HEG1: variants seen among roughly 807,000 people sequenced by gnomAD.
HEG1 encodes heart development protein with EGF like domains 1.
In HEG1, 56 loss-of-function variants were observed where a neutral mutation model predicts 125.6. That is an observed-to-expected ratio of 0.45 (90% CI 0.36 to 0.56). HEG1 has a LOEUF of 0.56. HEG1 is among the 20% of genes least tolerant of loss of function. The pLI, the probability that HEG1 is intolerant of heterozygous loss-of-function variation, is 0.00. For synonymous variants in HEG1, 644 were observed against 668.5 expected (o/e 0.96, Z 0.57); for missense variants, 1,523 against 1,670.0 (o/e 0.91, Z 1.53).
intron 3 of HEG1, among the ~76,000 whole-genome samples, chr3:125,022,684 TA>T (rs1330146530): frequency 0.02 from 2,118 of 106,208 alleles, 48 homozygotes; most frequent in African/African-American, 0.057. Context: ...ACTTCAGTAT[TA>T]AAAAAAAAAA....
At position 124,990,806 on chromosome 3, in the gene HEG1, A is replaced by G. The variant is rs1312117014; in HGVS notation, c.3714T>C (p.Gly1238=). 3 of 1,563,898 alleles carry G rather than the reference A, an allele frequency of 1.9e-6. No individual in the cohort carries two copies. Among genetic ancestry groups the G allele is most frequent in the Admixed American group, 3.8e-5 (2 of 52,396 alleles). ...ACTTACGGTTTCCACAGTTGAGACCACCAAGGCCAAATGGGCAACTGCAAG... is the reference window on the plus strand; with the variant it reads ...ACTTACGGTTTCCACAGTTGAGACCGCCAAGGCCAAATGGGCAACTGCAAG... ...ETCMSCPFGL[G]GLNCGNPYQL... Residue 1238 remains glycine (G), a synonymous_variant, in exon 14 of 17, where the codon GGT becomes GGC. Coordinates refer to ENST00000311127, the MANE Select transcript of HEG1 (RefSeq NM_020733.2).
chr3:124,991,370 G>A (rs1936832110), intron 12 of HEG1, among the ~76,000 whole-genome samples: 1 of 151,968 alleles, frequency 6.6e-6, no homozygotes, highest in East Asian at 1.9e-4. Flanking sequence ...GGCTTGTCTC[G>A]AACTCCTGAG....
intron 14 of HEG1, among the ~76,000 whole-genome samples, chr3:124,988,637 G>A (rs760968402): frequency 6.6e-6 from 1 of 152,084 alleles, no homozygotes; most frequent in Non-Finnish European, 1.5e-5. Flanking sequence ...AACAAACATC[G>A]GCCGGGCACG....
chr3:125,050,140 CT>C, intron 1 of HEG1, among the ~76,000 whole-genome samples: 1 of 130,500 alleles, frequency 7.7e-6, no homozygotes, highest in Non-Finnish European at 1.6e-5. Flanking sequence ...TCCACCAACT[CT>C]CTTTTTTTTT....
intron 1 of HEG1, among the ~76,000 whole-genome samples, chr3:125,048,802 C>T (rs918469417): frequency 2.1e-4 from 32 of 152,140 alleles, no homozygotes; most frequent in African/African-American, 7.5e-4. Flanking sequence ...CAGAAAAGAG[C>T]AGTGGGGAGG....
In HEG1 at chr3:125,021,054, A is replaced by G. The variant is rs754238880; in HGVS notation, c.990T>C (p.His330=). The G allele has an allele frequency of 2.5e-6, 4 of 1,609,122 alleles. No homozygotes were observed. Among genetic ancestry groups the G allele is most frequent in the Admixed American group, 3.4e-5 (2 of 59,254 alleles). Reference sequence around the variant, plus strand: ...CACCATCAGTGAACACGGTGGCAACATGCATTGTCTTTGTTTGACTGACTG... The same window carrying G: ...CACCATCAGTGAACACGGTGGCAACGTGCATTGTCTTTGTTTGACTGACTG... ...SSSVSQTKTM[H]VATVFTDGGP... The change falls in exon 4 of 17, where the codon CAT becomes CAC. Residue 330 remains histidine, a synonymous_variant. Transcript: ENST00000311127.
chr3:124,985,949 C>T (rs1007984842), intron 14 of HEG1, among the ~76,000 whole-genome samples: 1 of 152,076 alleles, frequency 6.6e-6, no homozygotes, highest in African/African-American at 2.4e-5. Flanking sequence ...AGCTAATTTT[C>T]GTATTTTTAG....
At position 124,968,876 on chromosome 3, in the gene HEG1, C is replaced by T. The variant is rs1049977737; in HGVS notation, c.*1776G>A. The T allele has an allele frequency of 6.6e-6, 1 of 152,242 alleles. No individual in the cohort carries two copies. The highest frequency in any genetic ancestry group is 2.4e-5 in the African/African-American group (1 of 41,458). 9.4% of individuals were successfully genotyped at this position (152,242 alleles called of 1,614,324 possible). A position where few individuals can be genotyped will look rare whatever the true frequency, so the allele number is the denominator to read the frequency against. ...CTTTGAAATTTTAGGTTAGCCTCCA[C>T]TGATAAAAACAGTTCTCCTTTTATT... On this transcript the variant is annotated 3_prime_UTR_variant, in exon 17 of 17. Transcript: ENST00000311127.
In HEG1 at chr3:124,970,597, G is replaced by A; in HGVS notation, c.*55C>T. The stretch of plus-strand genomic sequence containing the variant: ...GCGCAGCCTCCTGGTGCGGTCCTCT[G>A]AGCAGAGGTCCCAGGTGACTGGCTC... On this transcript the variant is annotated 3_prime_UTR_variant, in exon 17 of 17. Transcript: ENST00000311127. The A allele has an allele frequency of 6.6e-7, 1 of 1,520,402 alleles. No individual in the cohort carries two copies. Among genetic ancestry groups the A allele is most frequent in the African/African-American group, 1.4e-5 (1 of 72,788 alleles). The allele number at this position is 1,520,402 out of a possible 1,614,324, so 94.2% of individuals were successfully genotyped here. A position where few individuals can be genotyped will look rare whatever the true frequency, so the allele number is the denominator to read the frequency against.
intron 7 of HEG1, among the ~76,000 whole-genome samples, chr3:125,010,052 G>A (rs1393917870): frequency 6.6e-6 from 1 of 152,220 alleles, no homozygotes; most frequent in Non-Finnish European, 1.5e-5. Context: ...ATATACGGGG[G>A]AAACAGCAAA....
rs765299496 is a variant in HEG1, at chr3:125,019,424, A to C, written c.1426T>G (p.Tyr476Asp). 3 of 1,614,044 alleles carry C rather than the reference A, an allele frequency of 1.9e-6. No homozygotes were observed. In the South Asian group the frequency reaches 3.3e-5, roughly 18 times the overall value. ...SADVTGSSASYPEGVNASVLT... is the reference protein window; with the variant it reads ...SADVTGSSASDPEGVNASVLT... ...ACTGAAGCATTCACACCTTCAGGAT[A>C]TGAAGCAGAGCTTCCTGTCACATCT... The change falls in exon 5 of 17, where the codon TAT (tyrosine) becomes GAT (aspartate). Residue 476 changes from tyrosine (Y) to aspartate (D), a missense_variant. Tyr to Asp is a radical substitution (Grantham distance 160). Coordinates refer to ENST00000311127, the MANE Select transcript of HEG1 (RefSeq NM_020733.2).
At chr3:125,051,421 C>G (rs968973228) in intron 1 of HEG1, among the ~76,000 whole-genome samples, 8 of 152,148 alleles carry the variant, frequency 5.3e-5, no homozygotes, top group Non-Finnish European at 1.0e-4. Flanking sequence ...AAACTGAGAC[C>G]TCCTGATATT....
intron 1 of HEG1, among the ~76,000 whole-genome samples, chr3:125,040,923 C>A (rs1266944312): frequency 6.6e-6 from 1 of 152,116 alleles, no homozygotes; most frequent in African/African-American, 2.4e-5. Context: ...ATTTCATGGC[C>A]TAAATTATCC....
At position 125,013,623 on chromosome 3, in the gene HEG1, A is replaced by C. The variant is rs1224364670; in HGVS notation, c.1956T>G (p.Asp652Glu). 1 of 1,562,390 alleles carries C rather than the reference A, an allele frequency of 6.4e-7. No homozygotes were observed. The highest frequency in any genetic ancestry group is 1.2e-5 in the South Asian group (1 of 86,708). The change falls in exon 6 of 17, where the codon GAT (aspartate) becomes GAG (glutamate). Residue 652 changes from aspartate to glutamate, a missense_variant. Coordinates refer to ENST00000311127, the MANE Select transcript of HEG1 (RefSeq NM_020733.2). Reference protein sequence around the residue: ...MPNTSVVLDTDAEFVSDSSSS... With the variant: ...MPNTSVVLDTEAEFVSDSSSS... ...AGGAGGAGTCACTAACAAACTCAGC[A>C]TCAGTGTCCAGAACAACCGAAGTGT... is the stretch of plus-strand genomic sequence containing the variant.
At chr3:124,991,582 C>G (rs1472368144) in intron 12 of HEG1, among the ~76,000 whole-genome samples, 1 of 152,156 alleles carries the variant, frequency 6.6e-6, no homozygotes, top group Non-Finnish European at 1.5e-5. Flanking sequence ...AGGTCTGGTA[C>G]ATAGTAACCA....
At chr3:124,982,126 T>A (rs944008949) in intron 14 of HEG1, among the ~76,000 whole-genome samples, 1 of 152,144 alleles carries the variant, frequency 6.6e-6, no homozygotes, top group African/African-American at 2.4e-5. Context: ...GGTCTCAAAC[T>A]CCTGACCTCA....
At position 125,012,617 on chromosome 3, in the gene HEG1, T is replaced by C. The variant is rs1326887746; in HGVS notation, c.2956+6A>G. 6.2e-7 allele frequency: 1 copy of C among 1,610,222 alleles called. No individual in the cohort carries two copies. Among genetic ancestry groups the C allele is most frequent in the Non-Finnish European group, 8.5e-7 (1 of 1,178,050 alleles). ...GTTAACATGTGCTTGTGTGACTGTG[T>C]TTTACCTGAGGCTGAAGAGGACACT... On this transcript the variant is annotated splice_donor_region_variant and intron_variant, in intron 6 of 16. Coordinates refer to ENST00000311127, the MANE Select transcript of HEG1 (RefSeq NM_020733.2).
intron 12 of HEG1, among the ~76,000 whole-genome samples, chr3:124,996,197 G>A (rs1383621721): frequency 6.6e-6 from 1 of 151,792 alleles, no homozygotes; most frequent in Non-Finnish European, 1.5e-5. Flanking sequence ...CGATTCTCCT[G>A]CCTCAGCTTC....
chr3:125,041,288 G>A (rs1203849491), intron 1 of HEG1, among the ~76,000 whole-genome samples: 9 of 152,088 alleles, frequency 5.9e-5, no homozygotes, highest in Admixed American at 5.9e-4. Flanking sequence ...CTACCCTTAG[G>A]GACCATAGCA....
Sources: gnomAD v4.1 joint callset for allele counts (sites outside exome capture counted in the v4.1 genomes callset) on GRCh38, gnomAD v4.1.1 for gene constraint, MANE v1.5 for transcripts, NCBI Gene and HGNC (gene_info 2026-07-23, HGNC 2026-07-21) for gene names.